The following PLOD2 variants were observed in gnomAD, a reference collection of about 807,000 sequenced individuals.
PLOD2 encodes the protein lysine hydroxylase 2.
Under a neutral mutation model 101.0 loss-of-function variants are expected in PLOD2, and 65 were observed. The observed-to-expected ratio is 0.64, with a 90% CI of 0.53 to 0.79. PLOD2 has a LOEUF of 0.79. Ranked by LOEUF, PLOD2 falls within the 30% of genes least tolerant of loss-of-function variation. The probability of loss-of-function intolerance (pLI) is 0.00; values close to 1 mark genes in which losing one functional copy is unlikely to be tolerated. For missense variants in PLOD2, 909 were observed against 914.6 expected, an observed-to-expected ratio of 0.99 and a Z score of 0.08; for synonymous variants, 314 against 302.9, an observed-to-expected ratio of 1.04 and a Z score of -0.38.
chr3:146,135,092 A>G (rs575249130), intron 1 of PLOD2, among the ~76,000 whole-genome samples: 1 of 152,308 alleles, frequency 6.6e-6, no homozygotes, highest in East Asian at 1.9e-4. Flanking sequence ...ACACATAATA[A>G]CATGATTTTT....
intron 1 of PLOD2, among the ~76,000 whole-genome samples, chr3:146,146,755 G>A (rs1224393291): frequency 1.3e-5 from 2 of 152,172 alleles, no homozygotes; most frequent in Non-Finnish European, 2.9e-5. Flanking sequence ...TCCTAGTTTG[G>A]TCAGCTATTT....
At position 146,071,313 on chromosome 3, in the gene PLOD2, T is replaced by C; in HGVS notation, c.1959A>G (p.Pro653=). 6.2e-7 allele frequency: 1 copy of C among 1,612,296 alleles called. No individual in the cohort carries two copies. The highest frequency in any genetic ancestry group is 1.1e-5 in the South Asian group (1 of 91,074). The part of the protein sequence containing the change: ...WLHFIREFIA[P]VTLKVFAGYY... ...AGCCTGCAAAGACCTTCAGTGTAAC[T>C]GGTGCAATGAACTCCCGGATAAAAT... The change falls in exon 18 of 20, where the codon CCA becomes CCG. Residue 653 remains proline (P), a synonymous_variant. Transcript: ENST00000282903.
rs78682293 is a variant in PLOD2 at position 146,101,583 on chromosome 3, A to G, written c.777+1172T>C. Among the ~76,000 whole-genome samples, 633 of 152,350 alleles carry G rather than the reference A, an allele frequency of 4.2e-3. 6 individuals are homozygous for G. The highest frequency in any genetic ancestry group is 0.014 in the African/African-American group (576 of 41,580). On this transcript the variant is annotated intron_variant, in intron 7 of 19. Coordinates refer to ENST00000282903, the MANE Select transcript of PLOD2 (RefSeq NM_182943.3). ...CAAAGATTTCACAATGGACCTTAAC[A>G]GGAGCATTTCTTACTGTGATGGGAA...
chr3:146,088,455 AG>A (rs1936860498), intron 9 of PLOD2, 130 bp downstream of exon 9: 1 of 646,826 alleles, frequency 1.5e-6, no homozygotes, highest in African/African-American at 1.8e-5. Flanking sequence ...CTAAAAAGGC[AG>A]GGCTGTAATT....
intron 1 of PLOD2, among the ~76,000 whole-genome samples, chr3:146,152,175 T>C (rs1036173771): frequency 3.3e-5 from 5 of 152,136 alleles, no homozygotes; most frequent in Admixed American, 6.5e-5. Context: ...TCCCAGCACT[T>C]TGGGAGGCTG....
chr3:146,071,069 T>G lies in PLOD2; in HGVS notation c.2094A>C (p.Ala698=), dbSNP rs1312638939. ...GAAAGTCTTCTCCCACGTTATTAAG[T>G]GCAATGTTTATGGTAAATGTAGAAG... The part of the protein sequence containing the change: ...HDASTFTINI[A]LNNVGEDFQG... The change falls in exon 19 of 20, where the codon GCA becomes GCC. Residue 698 remains alanine (A), a synonymous_variant. Coordinates refer to ENST00000282903, the MANE Select transcript of PLOD2 (RefSeq NM_182943.3). 2.5e-6 allele frequency: 4 copies of G among 1,608,864 alleles called. No individual in the cohort carries two copies. In the African/African-American group the frequency reaches 5.4e-5, roughly 22 times the overall value.
At chr3:146,111,060 T>C (rs942759280) in intron 3 of PLOD2, among the ~76,000 whole-genome samples, 6 of 152,178 alleles carry the variant, frequency 3.9e-5, no homozygotes, top group African/African-American at 9.6e-5. Flanking sequence ...AAACTGACAC[T>C]ATAATTTAAT....
At chr3:146,136,410 G>A (rs975316574) in intron 1 of PLOD2, among the ~76,000 whole-genome samples, 4 of 152,146 alleles carry the variant, frequency 2.6e-5, no homozygotes, top group Non-Finnish European at 4.4e-5. Flanking sequence ...GAGGAGGACA[G>A]CGAAAACTTT....
chr3:146,081,718 T>C lies in PLOD2; in HGVS notation c.1358+20A>G, dbSNP rs755070574. On this transcript the variant is annotated intron_variant, in intron 12 of 19. Coordinates refer to ENST00000282903, the MANE Select transcript of PLOD2 (RefSeq NM_182943.3). ...TAGATTATGGTATTTCACATTAAAA[T>C]ATTAAACCAAGTAACTTACACTCTA... 19 of 1,588,852 alleles carry C rather than the reference T, an allele frequency of 1.2e-5. No individual in the cohort carries two copies. In the South Asian group the frequency reaches 2.1e-4, roughly 18 times the overall value.
intron 1 of PLOD2, among the ~76,000 whole-genome samples, chr3:146,143,611 C>T (rs190050153): frequency 1.3e-5 from 2 of 152,016 alleles, no homozygotes; most frequent in East Asian, 3.9e-4. Context: ...TTCTACTGGC[C>T]GGAATGATAT....
chr3:146,072,498 TTC>T, intron 17 of PLOD2, 61 bp downstream of exon 17: 1 of 1,009,144 alleles, frequency 9.9e-7, no homozygotes, highest in Non-Finnish European at 1.6e-6. Context: ...CCCCTCCGAA[TTC>T]TCTGAGTATC....
At chr3:146,092,003 A>G (rs1416083600) in intron 7 of PLOD2, 102 bp from the exon 8 acceptor site, 1 of 705,816 alleles carries the variant, frequency 1.4e-6, no homozygotes, top group African/African-American at 1.8e-5. Flanking sequence ...TGCAGCAGGT[A>G]TATTCCTTTA....
chr3:146,101,152 G>A (rs1937375826), intron 7 of PLOD2, among the ~76,000 whole-genome samples: 1 of 152,112 alleles, frequency 6.6e-6, no homozygotes, highest in Non-Finnish European at 1.5e-5. Context: ...TACCACTTGA[G>A]TATTCTGACC....
At chr3:146,091,063 T>C (rs900476608) in intron 8 of PLOD2, among the ~76,000 whole-genome samples, 3 of 151,898 alleles carry the variant, frequency 2.0e-5, no homozygotes, top group Non-Finnish European at 4.4e-5. Flanking sequence ...TTTTATAGAT[T>C]AATAATGAAT....
intron 1 of PLOD2, among the ~76,000 whole-genome samples, chr3:146,147,012 G>C (rs16857938): frequency 6.6e-6 from 1 of 152,258 alleles, no homozygotes; most frequent in African/African-American, 2.4e-5. Flanking sequence ...AGAAGCTTCC[G>C]AGGTTGGGAG....
intron 1 of PLOD2, among the ~76,000 whole-genome samples, chr3:146,140,811 T>C (rs1202102706): frequency 2.0e-5 from 3 of 152,052 alleles, no homozygotes; most frequent in African/African-American, 7.2e-5. Flanking sequence ...GGACTCATGA[T>C]CACTTACCAT....
chr3:146,079,285 A>C, intron 12 of PLOD2, 28 bp from the exon 13 acceptor site: 1 of 1,549,426 alleles, frequency 6.5e-7, no homozygotes, highest in Non-Finnish European at 8.9e-7. Flanking sequence ...ACATTCTTAT[A>C]TACCACAAAT....
chr3:146,138,398 G>C (rs575004126), intron 1 of PLOD2, among the ~76,000 whole-genome samples: 9 of 152,030 alleles, frequency 5.9e-5, no homozygotes, highest in African/African-American at 1.9e-4. Flanking sequence ...AAAGAACGAA[G>C]TGTCATAGAG....
chr3:146,116,381 G>A (rs1937908199), intron 3 of PLOD2, among the ~76,000 whole-genome samples: 1 of 152,078 alleles, frequency 6.6e-6, no homozygotes, highest in African/African-American at 2.4e-5. Context: ...TTTGGAGGGA[G>A]GGAAAGGGAG....
Sources: allele counts gnomAD v4.1 joint callset (sites outside exome capture counted in the v4.1 genomes callset), GRCh38; gene constraint gnomAD v4.1.1; transcripts MANE v1.5; gene names NCBI Gene and HGNC (gene_info 2026-07-23, HGNC 2026-07-21).